TTN: variants seen among roughly 807,000 people sequenced by gnomAD.
TTN encodes titin, also known as connectin.
Under a neutral mutation model 3,223.0 loss-of-function variants are expected in TTN, and 1,525 were observed. That is an observed-to-expected ratio of 0.47 (90% CI 0.45 to 0.49). TTN has a LOEUF of 0.49. TTN is among the 20% of genes least tolerant of loss of function. The pLI is 0.00. For missense variants in TTN, 40,786 were observed against 43,424.0 expected, an observed-to-expected ratio of 0.94 and a Z score of 5.40; for synonymous variants, 14,094 against 15,161.0, an observed-to-expected ratio of 0.93 and a Z score of 5.17.
Position 178,561,248 on chromosome 2 carries a change from G to A in TTN, c.84884C>T (p.Pro28295Leu), listed in dbSNP as rs1414095201. The A allele has an allele frequency of 6.2e-7, 1 of 1,613,566 alleles. No homozygotes were observed. Among genetic ancestry groups the A allele is most frequent in the African/African-American group, 1.3e-5 (1 of 74,892 alleles). The change falls in exon 326 of 363, where the codon CCA becomes CTA. Residue 28295 changes from proline to leucine, a missense_variant. By Grantham distance (98) the Pro-to-Leu change is moderately conservative. Coordinates refer to ENST00000589042, the MANE Select transcript of TTN (RefSeq NM_001267550.2). The part of the protein sequence containing the change: ...TGYIVERREL[P>L]DGRWLKCNYT... ...ATTGCACTTCAGCCACCGGCCATCT[G>A]GTAGTTCTCTGCGTTCAACAATGTA...
Position 178,594,194 on chromosome 2 carries a change from A to G in TTN, c.58199T>C (p.Val19400Ala). The G allele has an allele frequency of 3.7e-6, 6 of 1,613,256 alleles. No individual in the cohort carries two copies. Among genetic ancestry groups the G allele is most frequent in the African/African-American group, 1.3e-5 (1 of 75,006 alleles). ...GCCAGTGAGGGCAAAAGCTTCACCA[A>G]CTCGAATCGTGAGCTTATCTCTGAA... ...LDFRDKLTIRVGEAFALTGRY... is the reference protein window; with the variant it reads ...LDFRDKLTIRAGEAFALTGRY... Residue 19400 changes from valine (V) to alanine (A), a missense_variant, in exon 297 of 363, where the codon GTT (valine) becomes GCT (alanine). Val to Ala is a moderately conservative substitution (Grantham distance 64). Coordinates refer to ENST00000589042, the MANE Select transcript of TTN (RefSeq NM_001267550.2).
Position 178,710,893 on chromosome 2 carries a change from G to A in TTN, c.28204C>T (p.Arg9402Cys), listed in dbSNP as rs369553799. The change falls in exon 98 of 363, where the codon CGT becomes TGT. Residue 9402 changes from arginine (R) to cysteine (C), a missense_variant. By Grantham distance (180) the Arg-to-Cys change is radical. Coordinates refer to ENST00000589042, the MANE Select transcript of TTN (RefSeq NM_001267550.2). ...ACCACAGCATCCACAGGGGCAAGAC[G>A]GATGTCAAAGAAGGGTGGGTTCTTC... ...EGKNPPFFDI[R>C]LAPVDAVVGE... 42 of 1,613,296 alleles carry A rather than the reference G, an allele frequency of 2.6e-5. No individual in the cohort carries two copies. Among genetic ancestry groups the A allele is most frequent in the African/African-American group, 6.7e-5 (5 of 74,908 alleles).
chr2:178,573,358 A>G lies in TTN; in HGVS notation c.72774T>C (p.Ile24258=), dbSNP rs1057172488. 4.6e-6 allele frequency: 7 copies of G among 1,529,004 alleles called. No homozygotes were observed. The highest frequency in any genetic ancestry group is 4.4e-6 in the Non-Finnish European group (5 of 1,139,174). The allele number at this position is 1,529,004 out of a possible 1,614,324, so 94.7% of individuals were successfully genotyped here. A position where few individuals can be genotyped will look rare whatever the true frequency, so the allele number is the denominator to read the frequency against. The change falls in exon 326 of 363, where the codon ATT becomes ATC. Residue 24258 remains isoleucine (I), a synonymous_variant. Coordinates refer to ENST00000589042, the MANE Select transcript of TTN (RefSeq NM_001267550.2). The part of the protein sequence containing the change: ...SDGGSEIINY[I]VERRDKAGQR... Reference sequence around the variant, plus strand: ...GGCCAGCTTTATCACGCCGTTCCACAATATAATTGATGATTTCACTTCCAC... The same window carrying G: ...GGCCAGCTTTATCACGCCGTTCCACGATATAATTGATGATTTCACTTCCAC...
chr2:178,591,890 G>T lies in TTN; in HGVS notation c.59929C>A (p.Pro19977Thr), dbSNP rs768561791. 6.2e-7 allele frequency: 1 copy of T among 1,606,708 alleles called. No homozygotes were observed. Among genetic ancestry groups the T allele is most frequent in the Non-Finnish European group, 8.5e-7 (1 of 1,177,918 alleles). The change falls in exon 303 of 363, where the codon CCC (proline) becomes ACC (threonine). Residue 19977 changes from proline (P) to threonine (T), a missense_variant and splice_region_variant. By Grantham distance (38) the Pro-to-Thr change is conservative. Coordinates refer to ENST00000589042, the MANE Select transcript of TTN (RefSeq NM_001267550.2). ...KPIKALDPLH[P>T]PGPPKDLHHV... is the part of the protein sequence containing the mutation. ...TGCAGGTCCTTGGGTGGCCCTGGGG[G>T]ATCTTTTCAAAGAAGAAGTTATGAT...
chr2:178,679,745 C>G, intron 140 of TTN, 63 bp from the exon 141 acceptor site: 1 of 1,547,956 alleles, frequency 6.5e-7, no homozygotes, highest in Non-Finnish European at 8.7e-7. Context: ...GTGAAAAGCA[C>G]CTGTAGAAAT....
In TTN at chr2:178,795,219, G is replaced by A; in HGVS notation, c.948C>T (p.Ser316=). The A allele has an allele frequency of 6.2e-7, 1 of 1,614,132 alleles. No individual in the cohort carries two copies. Among genetic ancestry groups the A allele is most frequent in the Non-Finnish European group, 8.5e-7 (1 of 1,180,002 alleles). Residue 316 remains serine (S), a synonymous_variant, in exon 7 of 363, where the codon TCC becomes TCT. Transcript: ENST00000589042. ...ATGGAGACCTAACAGACCTGATGGG[G>A]GATGTGGAGATTCTTGCTGCTGGAG... The part of the protein sequence containing the change: ...SVSPAARIST[S]PIRSVRSPLL...
chr2:178,782,661 C>A, intron 18 of TTN, 59 bp from the exon 19 acceptor site: 1 of 1,607,546 alleles, frequency 6.2e-7, no homozygotes, highest in Non-Finnish European at 8.5e-7. Flanking sequence ...CTGCTTAGCA[C>A]TGACAGTTAA....
chr2:178,697,361 A>T (rs2073926805), intron 112 of TTN, among the ~76,000 whole-genome samples, 193 bp from the exon 113 acceptor site: 1 of 152,168 alleles, frequency 6.6e-6, no homozygotes. Flanking sequence ...ATGCAAGGCC[A>T]TATTAACAAA....
Position 178,613,731 on chromosome 2 carries a change from G to C in TTN, c.49532+20C>G, listed in dbSNP as rs1373933239. 3.1e-6 allele frequency: 5 copies of C among 1,607,694 alleles called. No homozygotes were observed. Among genetic ancestry groups the C allele is most frequent in the East Asian group, 4.5e-5 (2 of 44,704 alleles). On this transcript the variant is annotated intron_variant, in intron 263 of 362. Transcript: ENST00000589042. ...GAATATACTGCTGTCTTAACATCTT[G>C]ATGGGGATTCTGAGCATACCTGTAT...
At chr2:178,804,157 G>A (rs1053233840) in intron 2 of TTN, among the ~76,000 whole-genome samples, 4 of 152,206 alleles carry the variant, frequency 2.6e-5, no homozygotes, top group African/African-American at 9.6e-5. Context: ...GTCCAGAGCA[G>A]GCAGCCCAGA....
chr2:178,731,302 A>G lies in TTN; in HGVS notation c.17461+3T>C. On this transcript the variant is annotated splice_donor_region_variant and intron_variant, in intron 59 of 362. Transcript: ENST00000589042. ...AAACCCAAGGCAAACGTTCTGAACC[A>G]ACCTTTTACTGAGAGTAATGCAGAA... 1 of 1,613,526 alleles carries G rather than the reference A, an allele frequency of 6.2e-7. No individual in the cohort carries two copies. Among genetic ancestry groups the G allele is most frequent in the Non-Finnish European group, 8.5e-7 (1 of 1,179,546 alleles).
Position 178,664,852 on chromosome 2 carries a change from C to A in TTN, c.36118G>T (p.Val12040Leu). 1 of 1,611,510 alleles carries A rather than the reference C, an allele frequency of 6.2e-7. No individual in the cohort carries two copies. The highest frequency in any genetic ancestry group is 1.3e-5 in the African/African-American group (1 of 75,020). ...SKKREPPSVK[V>L]PEALQEIVPE... ...ACCCTGAGAGCATGGTGACTTGTACCTTTAACTGATGGGGGTTCTCTTTTT... is the reference window on the plus strand; with the variant it reads ...ACCCTGAGAGCATGGTGACTTGTACATTTAACTGATGGGGGTTCTCTTTTT... Residue 12040 changes from valine (V) to leucine (L), a missense_variant and splice_region_variant, in exon 166 of 363, where the codon GTG (valine) becomes TTG (leucine). Physicochemically the swap from Val to Leu is conservative, Grantham distance 32. Transcript: ENST00000589042.
Position 178,575,974 on chromosome 2 carries a change from T to C in TTN, c.70158A>G (p.Lys23386=), listed in dbSNP as rs1709941275. The C allele has an allele frequency of 6.2e-7, 1 of 1,611,608 alleles. No homozygotes were observed. The highest frequency in any genetic ancestry group is 8.5e-7 in the Non-Finnish European group (1 of 1,178,028). The change falls in exon 326 of 363, where the codon AAA becomes AAG. Residue 23386 remains lysine, a synonymous_variant. Coordinates refer to ENST00000589042, the MANE Select transcript of TTN (RefSeq NM_001267550.2). This position sits in a 1 kb window ranked among gnomAD's most constrained non-coding sequence, Gnocchi z 4.0. ...CCGTATTTTCAATGTTGGCTCGGTT[T>C]TTCAGGTTGATGTTATCTTTGGTCC... ...VTWTKDNINL[K]NRANIENTES...
intron 47 of TTN, chr2:178,744,629 T>A (rs1200437244): frequency 2.1e-6 from 2 of 945,844 alleles, no homozygotes; most frequent in East Asian, 2.3e-4. Flanking sequence ...TGTTATCTTG[T>A]TATTTATATA....
Position 178,732,345 on chromosome 2 carries a change from G to A in TTN, c.16624C>T (p.Pro5542Ser). 2 of 1,594,810 alleles carry A rather than the reference G, an allele frequency of 1.3e-6. No homozygotes were observed. The highest frequency in any genetic ancestry group is 1.7e-6 in the Non-Finnish European group (2 of 1,169,942). The change falls in exon 57 of 363, where the codon CCT becomes TCT. Residue 5542 changes from proline (P) to serine (S), a missense_variant and splice_region_variant. Transcript: ENST00000589042. ...ECSANLFVKE[P>S]ATFVEKLEPS... ...TCTAACTTTTCAACAAATGTGGCAGGTTCTGTGGAAGGAAGGAAGTTATTA... is the reference window on the plus strand; with the variant it reads ...TCTAACTTTTCAACAAATGTGGCAGATTCTGTGGAAGGAAGGAAGTTATTA...
intron 342 of TTN, 41 bp downstream of exon 342, chr2:178,546,170 TG>T: frequency 6.3e-7 from 1 of 1,588,008 alleles, no homozygotes; most frequent in Non-Finnish European, 8.6e-7. Flanking sequence ...CTGCCCACAC[TG>T]GAAAATGCTA....
In TTN at chr2:178,529,014, T is replaced by A; in HGVS notation, c.106737A>T (p.Ser35579=). Residue 35579 remains serine, a synonymous_variant, in exon 360 of 363, where the codon TCA becomes TCT. Transcript: ENST00000589042. ...KVLISEEVKK[S]AATSLEKSIV... ...TGGATTTTTCCAGGGAGGTTGCTGC[T>A]GATTTCTTGACTTCTTCAGAAATCA... 1 of 1,614,044 alleles carries A rather than the reference T, an allele frequency of 6.2e-7. No homozygotes were observed. Among genetic ancestry groups the A allele is most frequent in the South Asian group, 1.1e-5 (1 of 91,086 alleles).
At chr2:178,653,161 A>T (rs1460887030) in intron 198 of TTN, 37 bp from the exon 199 acceptor site, 2 of 1,609,542 alleles carry the variant, frequency 1.2e-6, no homozygotes, top group South Asian at 1.1e-5. Flanking sequence ...TTTAGGGGTT[A>T]TGAAGACCAC....
At chr2:178,709,291 C>T (rs538759097) in intron 99 of TTN, among the ~76,000 whole-genome samples, 14 of 152,206 alleles carry the variant, frequency 9.2e-5, no homozygotes, top group Admixed American at 5.2e-4. Context: ...TTTCAGAGTA[C>T]GCTGAAACTT....
Sources: gnomAD v4.1 joint callset for allele counts (sites outside exome capture counted in the v4.1 genomes callset) on GRCh38, gnomAD v4.1.1 for gene constraint, Gnocchi (gnomAD v3.1) non-coding constraint, MANE v1.5 for transcripts, NCBI Gene and HGNC (gene_info 2026-07-23, HGNC 2026-07-21) for gene names.